HSD17B12: variants seen among roughly 807,000 people sequenced by gnomAD.
The protein encoded by HSD17B12 is hydroxysteroid 17-beta dehydrogenase 12, also known as very-long-chain 3-oxoacyl-CoA reductase.
HSD17B12 carries 32 observed loss-of-function variants against 39.3 expected under a neutral mutation model. The observed-to-expected ratio is 0.81, with a 90% CI of 0.61 to 1.09. The LOEUF (loss-of-function observed/expected upper bound fraction) is 1.09. Among genes scored for constraint, HSD17B12 ranks in the 50% least tolerant of loss-of-function variants. The pLI, the probability that HSD17B12 is intolerant of heterozygous loss-of-function variation, is 0.00. For synonymous variants in HSD17B12, 150 were observed against 146.7 expected, an observed-to-expected ratio of 1.02 and a Z score of -0.16; for missense variants, 342 against 382.9, an observed-to-expected ratio of 0.89 and a Z score of 0.89.
At chr11:43,802,188 G>A (rs565428290) in intron 4 of HSD17B12, among the ~76,000 whole-genome samples, 13 of 151,778 alleles carry the variant, frequency 8.6e-5, no homozygotes, top group East Asian at 7.8e-4. Context: ...GGGTTTCACC[G>A]TGTTAGCCAG....
chr11:43,759,980 A>G (rs908922464), intron 3 of HSD17B12, among the ~76,000 whole-genome samples: 1 of 151,476 alleles, frequency 6.6e-6, no homozygotes, highest in African/African-American at 2.4e-5. Flanking sequence ...ACTGCAACCT[A>G]CGTCTCCCAG....
chr11:43,558,438 C>T, the HSD17B12 span, among the ~76,000 whole-genome samples: 2 of 151,312 alleles, frequency 1.3e-5, no homozygotes, highest in South Asian at 2.1e-4. Flanking sequence ...TTTTTTTCAT[C>T]GAGGGAAGCA....
the HSD17B12 span, among the ~76,000 whole-genome samples, chr11:43,647,324 G>A: frequency 5.3e-5 from 8 of 152,206 alleles, no homozygotes; most frequent in Admixed American, 1.3e-4. Context: ...CACCCAGGCT[G>A]GAGTGCAGTG....
chr11:43,754,860 A>G, intron 3 of HSD17B12: 1 of 760,516 alleles, frequency 1.3e-6, no homozygotes, highest in South Asian at 1.4e-5. Flanking sequence ...AATCTTTTGA[A>G]CTTTCTTCTT....
chr11:43,642,635 C>T, the HSD17B12 span, among the ~76,000 whole-genome samples: 1 of 151,462 alleles, frequency 6.6e-6, no homozygotes, highest in Non-Finnish European at 1.5e-5. Flanking sequence ...AATGTTACAA[C>T]CTGGTAGCTA....
the HSD17B12 span, among the ~76,000 whole-genome samples, chr11:43,653,387 G>A: frequency 1.3e-5 from 2 of 151,904 alleles, no homozygotes; most frequent in African/African-American, 2.4e-5. Flanking sequence ...CTTGGTTGAC[G>A]CAAAAATTTC....
At chr11:43,763,370 A>T (rs1950569473) in intron 3 of HSD17B12, among the ~76,000 whole-genome samples, 1 of 152,042 alleles carries the variant, frequency 6.6e-6, no homozygotes, top group Admixed American at 6.6e-5. Flanking sequence ...TCAACACAAA[A>T]GCTCAAAAAG....
At chr11:43,772,739 A>G (rs1011949902) in intron 3 of HSD17B12, among the ~76,000 whole-genome samples, 2 of 152,208 alleles carry the variant, frequency 1.3e-5, no homozygotes, top group African/African-American at 2.4e-5. Flanking sequence ...TATCATGGGA[A>G]TGTGAGCTAT....
At chr11:43,590,712 G>A in the HSD17B12 span, among the ~76,000 whole-genome samples, 2 of 150,266 alleles carry the variant, frequency 1.3e-5, no homozygotes, top group Admixed American at 6.6e-5. Flanking sequence ...AGGTTTCACC[G>A]TGTTAGCCAG....
chr11:43,834,259 C>T (rs1199490457), intron 7 of HSD17B12: 1 of 152,016 alleles, frequency 6.6e-6, no homozygotes, highest in African/African-American at 2.4e-5. Flanking sequence ...GTGCCAATTT[C>T]AGTATTATAT....
At chr11:43,673,637 A>C in the HSD17B12 span, among the ~76,000 whole-genome samples, 14 of 150,022 alleles carry the variant, frequency 9.3e-5, no homozygotes, top group South Asian at 1.3e-3. Context: ...GACTACAGGC[A>C]TGCACCACCA....
intron 4 of HSD17B12, 142 bp from the exon 5 acceptor site, chr11:43,815,294 TG>T (rs1951111420): frequency 4.6e-6 from 2 of 439,446 alleles, no homozygotes; most frequent in African/African-American, 4.0e-5. Context: ...GACAGAAAGG[TG>T]TGGAAAAGGT....
At chr11:43,839,975 T>C in intron 8 of HSD17B12, 24 bp from the exon 9 acceptor site, 1 of 1,596,108 alleles carries the variant, frequency 6.3e-7, no homozygotes, top group Non-Finnish European at 8.6e-7. Flanking sequence ...GTGTGTTTTC[T>C]TCTCACTCCC....
In HSD17B12 at chr11:43,680,783, C is replaced by T. The variant is rs766696739; in HGVS notation, c.-45C>T. 15 of 1,552,828 alleles carry T rather than the reference C, an allele frequency of 9.7e-6. No individual in the cohort carries two copies. In the South Asian group the frequency reaches 1.4e-4, roughly 15 times the overall value. On this transcript the variant is annotated 5_prime_UTR_variant, in exon 1 of 11. Coordinates refer to ENST00000278353, the MANE Select transcript of HSD17B12 (RefSeq NM_016142.3). Reference sequence around the variant, plus strand: ...CGGCGCCTCCTCCTGGATTCATTCACTCGCTCTTTTCATTCACGAAGGTAG... The same window carrying T: ...CGGCGCCTCCTCCTGGATTCATTCATTCGCTCTTTTCATTCACGAAGGTAG...
chr11:43,782,099 A>G (rs1014872206), intron 3 of HSD17B12, among the ~76,000 whole-genome samples: 4 of 152,242 alleles, frequency 2.6e-5, no homozygotes, highest in Non-Finnish European at 5.9e-5. Context: ...TATCATTAGC[A>G]TGAAACTTAG....
chr11:43,754,876 A>G (rs778255050), intron 3 of HSD17B12: 2 of 760,084 alleles, frequency 2.6e-6, no homozygotes, highest in Non-Finnish European at 4.8e-6. Context: ...TTCTTAGGCA[A>G]TTATACTTGA....
intron 7 of HSD17B12, among the ~76,000 whole-genome samples, chr11:43,835,425 G>T (rs1302333507): frequency 6.6e-6 from 1 of 152,118 alleles, no homozygotes; most frequent in Non-Finnish European, 1.5e-5. Flanking sequence ...ATTGAGGCAG[G>T]CTACACCAGT....
chr11:43,846,183 C>A (rs1951473386), intron 9 of HSD17B12, among the ~76,000 whole-genome samples: 1 of 152,144 alleles, frequency 6.6e-6, no homozygotes, highest in Admixed American at 6.5e-5. Flanking sequence ...CCCCTTCTGG[C>A]AAGTGGGATA....
chr11:43,713,050 G>A lies in HSD17B12; in HGVS notation c.160+32063G>A, dbSNP rs990906832. The stretch of plus-strand genomic sequence containing the variant: ...GAAACCTATGTTTTACTCATTGAAG[G>A]CACTGTTATCCAACAGAACTTTTTA... On this transcript the variant is annotated intron_variant, in intron 1 of 10. Coordinates refer to ENST00000278353, the MANE Select transcript of HSD17B12 (RefSeq NM_016142.3). Among the ~76,000 whole-genome samples the A allele has an allele frequency of 4.6e-5, 7 of 152,276 alleles. No homozygotes were observed. The East Asian group carries it at 1.2e-3, about 25-fold the overall frequency.
Sources: allele counts gnomAD v4.1 joint callset (sites outside exome capture counted in the v4.1 genomes callset), GRCh38; gene constraint gnomAD v4.1.1; transcripts MANE v1.5; gene names NCBI Gene and HGNC (gene_info 2026-07-23, HGNC 2026-07-21).